PRDM10: variants seen among roughly 807,000 people sequenced by gnomAD.
The protein encoded by PRDM10 is PR/SET domain 10.
A neutral mutation model predicts 133.1 loss-of-function variants in PRDM10; 65 were observed. The observed-to-expected ratio is 0.49, with a 90% CI of 0.40 to 0.60. The LOEUF (loss-of-function observed/expected upper bound fraction) is 0.60. Ranked by LOEUF, PRDM10 falls within the 20% of genes least tolerant of loss-of-function variation. PRDM10 has a pLI of 0.00. For missense variants in PRDM10, 1,137 were observed against 1,507.1 expected, an observed-to-expected ratio of 0.75 and a Z score of 4.07; for synonymous variants, 582 against 580.4, an observed-to-expected ratio of 1.00 and a Z score of -0.04.
intron 1 of PRDM10, among the ~76,000 whole-genome samples, chr11:129,974,876 G>A (rs1937668371): frequency 6.6e-6 from 1 of 152,212 alleles, no homozygotes; most frequent in Non-Finnish European, 1.5e-5. Flanking sequence ...TGCTTCAACA[G>A]GGAGGAACCT....
At chr11:129,938,926 T>G (rs1335555063) in intron 7 of PRDM10, among the ~76,000 whole-genome samples, 1 of 152,202 alleles carries the variant, frequency 6.6e-6, no homozygotes, top group Non-Finnish European at 1.5e-5. Context: ...TGCCAAGTGC[T>G]TCACCATCCC....
intron 7 of PRDM10, among the ~76,000 whole-genome samples, chr11:129,937,915 C>G (rs550283695): frequency 2.1e-4 from 32 of 152,208 alleles, no homozygotes; most frequent in Non-Finnish European, 4.3e-4. Context: ...ACTAGAATAA[C>G]TTCACAAGAA....
At chr11:129,963,693 C>T (rs181255279) in intron 1 of PRDM10, among the ~76,000 whole-genome samples, 21 of 152,178 alleles carry the variant, frequency 1.4e-4, no homozygotes, top group Admixed American at 1.3e-3. Context: ...CCCCTTTCCC[C>T]CTAAATTCCT....
In PRDM10 at chr11:129,927,176, CAAAAAAAAAAAAAAAAAAAAAA is replaced by C. The variant is rs57015735; in HGVS notation, c.1531-1969_1531-1948del. On this transcript the variant is annotated intron_variant, in intron 11 of 20. Transcript: ENST00000360871. ...TGGAGGTTGCAGTGAGACTCTGTCT[CAAAAAAAAAAAAAAAAAAAAAA>C]AAAAAAAAAAAAAAAAAGCATAGTT... Among the ~76,000 whole-genome samples the C allele has an allele frequency of 1.8e-3, 144 of 79,358 alleles. 1 individual carries two copies. Among genetic ancestry groups the C allele is most frequent in the Middle Eastern group, 7.1e-3 (1 of 140 alleles). The allele number at this position is 79,358 out of a possible 152,430, so 52.1% of individuals were successfully genotyped here.
intron 8 of PRDM10, 130 bp downstream of exon 8, chr11:129,937,468 T>A (rs1252973979): frequency 4.6e-6 from 3 of 646,308 alleles, no homozygotes; most frequent in Non-Finnish European, 7.6e-6. Context: ...GAGATGTGTG[T>A]CTCTAAAAAA....
In PRDM10 at chr11:129,931,183, C is replaced by G. The variant is rs1454580453; in HGVS notation, c.1363G>C (p.Glu455Gln). ...PATLNGLDQP[E>Q]QTTIPIPQLP... ...TGAGGGATTGGGATAGTGGTCTGTT[C>G]TGGTTGATCCAGCCCATTCAGAGTG... Residue 455 changes from glutamate (E) to glutamine (Q), a missense_variant, in exon 11 of 21, where the codon GAA (glutamate) becomes CAA (glutamine). Around this residue, in one of 6 missense-constraint regions of PRDM10, gnomAD observed 635 missense variants for 835.2 expected, o/e 0.76. Coordinates refer to ENST00000360871, the MANE Select transcript of PRDM10 (RefSeq NM_199437.2). 1.9e-6 allele frequency: 3 copies of G among 1,614,202 alleles called. No individual in the cohort carries two copies. Among genetic ancestry groups the G allele is most frequent in the South Asian group, 2.2e-5 (2 of 91,078 alleles).
At chr11:129,904,525 A>G (rs1430934156) in intron 20 of PRDM10, among the ~76,000 whole-genome samples, 1 of 152,126 alleles carries the variant, frequency 6.6e-6, no homozygotes, top group African/African-American at 2.4e-5. Context: ...TCTGAGACAG[A>G]GTCTCACTTT....
Position 129,935,221 on chromosome 11 carries a change from A to ACAGT in PRDM10, c.1040-7_1040-4dup, listed in dbSNP as rs1465592534. On this transcript the variant is annotated splice_polypyrimidine_tract_variant and splice_region_variant and intron_variant, in intron 8 of 20. Coordinates refer to ENST00000360871, the MANE Select transcript of PRDM10 (RefSeq NM_199437.2). Reference sequence around the variant, plus strand: ...ATTCTTCTCTTGCTCTCGAAGAACTACAGTCACAGGAGAGAAATCATAAAG... The same window carrying ACAGT: ...ATTCTTCTCTTGCTCTCGAAGAACTACAGTCAGTCACAGGAGAGAAATCATAAAG... The ACAGT allele has an allele frequency of 1.9e-6, 3 of 1,608,528 alleles. No homozygotes were observed. Among genetic ancestry groups the ACAGT allele is most frequent in the Admixed American group, 3.3e-5 (2 of 59,996 alleles).
chr11:129,970,943 G>A (rs752808757), intron 1 of PRDM10, among the ~76,000 whole-genome samples: 1 of 152,140 alleles, frequency 6.6e-6, no homozygotes. Context: ...TCCTAAAGCT[G>A]ACTAAAATTG....
chr11:129,990,588 C>A (rs977323159), intron 1 of PRDM10, among the ~76,000 whole-genome samples: 1 of 149,768 alleles, frequency 6.7e-6, no homozygotes, highest in Non-Finnish European at 1.5e-5. Flanking sequence ...CCCTTTATAT[C>A]CAATTCACAC....
intron 1 of PRDM10, among the ~76,000 whole-genome samples, chr11:129,997,864 G>A (rs955837146): frequency 1.1e-4 from 17 of 152,074 alleles, no homozygotes; most frequent in Admixed American, 4.6e-4. Context: ...TAATAATCAT[G>A]CTTTTGTGAG....
intron 1 of PRDM10, among the ~76,000 whole-genome samples, chr11:129,988,049 A>G (rs528903775): frequency 2.8e-3 from 423 of 152,302 alleles, no homozygotes; most frequent in Non-Finnish European, 4.7e-3. Flanking sequence ...TACAACATGG[A>G]TGAACCCTGA....
intron 10 of PRDM10, among the ~76,000 whole-genome samples, chr11:129,931,697 G>C (rs1001060158): frequency 9.9e-5 from 15 of 151,768 alleles, no homozygotes; most frequent in Non-Finnish European, 1.9e-4. Context: ...CTCCCGAGTA[G>C]CTGGGATTGC....
chr11:129,961,912 A>G (rs1284291304), intron 1 of PRDM10, among the ~76,000 whole-genome samples: 1 of 152,158 alleles, frequency 6.6e-6, no homozygotes, highest in Admixed American at 6.5e-5. Flanking sequence ...TGTCGTGAGG[A>G]GAATGAGTTT....
At chr11:129,964,474 T>G (rs1486485149) in intron 1 of PRDM10, among the ~76,000 whole-genome samples, 1 of 152,208 alleles carries the variant, frequency 6.6e-6, no homozygotes, top group Non-Finnish European at 1.5e-5. Flanking sequence ...TTCCAAAAAT[T>G]ATTTTGTGTG....
chr11:129,933,445 A>T (rs1183075618), intron 9 of PRDM10, among the ~76,000 whole-genome samples: 2 of 152,182 alleles, frequency 1.3e-5, no homozygotes, highest in African/African-American at 4.8e-5. Flanking sequence ...ATATCTTGGC[A>T]TGTCTCTCTG....
chr11:129,924,553 G>A (rs1166209385), intron 12 of PRDM10, among the ~76,000 whole-genome samples: 3 of 152,156 alleles, frequency 2.0e-5, no homozygotes, highest in Non-Finnish European at 2.9e-5. Context: ...CCTCAGAAAC[G>A]GGAGTATGTC....
chr11:129,920,101 G>A (rs569637841), intron 13 of PRDM10, among the ~76,000 whole-genome samples: 8 of 151,980 alleles, frequency 5.3e-5, no homozygotes, highest in African/African-American at 9.7e-5. Context: ...AACTCCTCTC[G>A]CATTCCCACT....
At chr11:129,911,399 G>A (rs1950182555) in intron 18 of PRDM10, among the ~76,000 whole-genome samples, 1 of 152,174 alleles carries the variant, frequency 6.6e-6, no homozygotes, top group Non-Finnish European at 1.5e-5. Flanking sequence ...AGCACAGGTG[G>A]GTGAAGAGGC....
Sources: gnomAD v4.1 joint callset for allele counts (sites outside exome capture counted in the v4.1 genomes callset) on GRCh38, gnomAD v4.1.1 for gene constraint, gnomAD v4.1.1 regional missense constraint, MANE v1.5 for transcripts, NCBI Gene and HGNC (gene_info 2026-07-23, HGNC 2026-07-21) for gene names.